ZC2HC1B: variants seen among roughly 807,000 people sequenced by gnomAD.
The protein encoded by ZC2HC1B is zinc finger C2HC-type containing 1B.
In ZC2HC1B, 36 loss-of-function variants were observed where a neutral mutation model predicts 31.0. The observed-to-expected ratio is 1.16, with a 90% CI of 0.89 to 1.54. ZC2HC1B has a LOEUF of 1.54. Among genes scored for constraint, ZC2HC1B ranks in the 40% most tolerant of loss-of-function variants. ZC2HC1B has a pLI of 0.00. For missense variants in ZC2HC1B, 260 were observed against 268.6 expected (o/e 0.97, Z 0.22); for synonymous variants, 73 against 88.0 (o/e 0.83, Z 0.95).
chr6:143,869,333 A>G lies in ZC2HC1B; in HGVS notation c.28+4766A>G, dbSNP rs1396369122. ...GAACTTTACCCCAGCCCTTCAACGT[A>G]TTGTCACCTAGTTGTTGTAATTGTG... On this transcript the variant is annotated intron_variant, in intron 1 of 7. Transcript: ENST00000237275. The surrounding 1 kb of genome is among the most constrained non-coding windows in gnomAD (Gnocchi z 5.2). Among the ~76,000 whole-genome samples, 1 of 152,186 alleles carries G rather than the reference A, an allele frequency of 6.6e-6. No homozygotes were observed. The highest frequency in any genetic ancestry group is 1.5e-5 in the Non-Finnish European group (1 of 68,030).
In ZC2HC1B at chr6:143,908,551, G is replaced by A. The variant is rs1187624003; in HGVS notation, c.598+5399G>A. Among the ~76,000 whole-genome samples the A allele has an allele frequency of 6.6e-6, 1 of 152,142 alleles. No homozygotes were observed. Among genetic ancestry groups the A allele is most frequent in the Admixed American group, 6.5e-5 (1 of 15,284 alleles). The stretch of plus-strand genomic sequence containing the variant: ...CTTTCTGTGACAATTGTGAATGGAG[G>A]TTCACTCATGATTTGGCTCTCAGCT... On this transcript the variant is annotated intron_variant, in intron 6 of 7. Coordinates refer to ENST00000237275, the MANE Select transcript of ZC2HC1B (RefSeq NM_001013623.3). The surrounding 1 kb of genome is among the most constrained non-coding windows in gnomAD (Gnocchi z 4.4).
chr6:143,867,837 A>G (rs893644732), intron 1 of ZC2HC1B, among the ~76,000 whole-genome samples: 11 of 152,178 alleles, frequency 7.2e-5, no homozygotes, highest in African/African-American at 2.7e-4. Flanking sequence ...GTGCCCAGCT[A>G]TCATACTGGG....
At position 143,886,236 on chromosome 6, in the gene ZC2HC1B, G is replaced by A; in HGVS notation, c.210+85G>A. 1 of 1,340,652 alleles carries A rather than the reference G, an allele frequency of 7.5e-7. No homozygotes were observed. The highest frequency in any genetic ancestry group is 9.6e-7 in the Non-Finnish European group (1 of 1,038,826). 83.0% of individuals were successfully genotyped at this position (1,340,652 alleles called of 1,614,324 possible). ...TTCTGGGATTTCTGGTTTCATTTTT[G>A]CTTGATAATACAGTAATGTAATGTA... On this transcript the variant is annotated intron_variant, in intron 3 of 7. Transcript: ENST00000237275. This position sits in a 1 kb window ranked among gnomAD's most constrained non-coding sequence, Gnocchi z 4.2.
intron 1 of ZC2HC1B, among the ~76,000 whole-genome samples, chr6:143,875,297 C>T (rs1777392136): frequency 6.6e-6 from 1 of 152,160 alleles, no homozygotes; most frequent in Non-Finnish European, 1.5e-5. Context: ...TCTGGACCCT[C>T]CCTGATGGGA....
At chr6:143,882,456 A>G (rs1777481026) in intron 1 of ZC2HC1B, among the ~76,000 whole-genome samples, 1 of 150,152 alleles carries the variant, frequency 6.7e-6, no homozygotes, top group South Asian at 2.1e-4. Flanking sequence ...TGTGTTGAAA[A>G]TACAATACCA....
chr6:143,937,505 C>A, intron 6 of ZC2HC1B, 144 bp from the exon 7 acceptor site: 1 of 569,170 alleles, frequency 1.8e-6, no homozygotes, highest in Non-Finnish European at 2.9e-6. Context: ...CCTCATTGCC[C>A]TCCCCACCAC....
chr6:143,912,850 A>ATGCTAGGTTGGGG (rs1378172217), intron 6 of ZC2HC1B, among the ~76,000 whole-genome samples: 48 of 152,054 alleles, frequency 3.2e-4, no homozygotes, highest in Non-Finnish European at 6.0e-4. Flanking sequence ...CTGAGAAGCC[A>ATGCTAGGTTGGGG]AATGGCCAAG....
chr6:143,903,017 T>G lies in ZC2HC1B; in HGVS notation c.490-27T>G. 6.5e-7 allele frequency: 1 copy of G among 1,549,718 alleles called. No homozygotes were observed. Among genetic ancestry groups the G allele is most frequent in the Non-Finnish European group, 8.7e-7 (1 of 1,145,374 alleles). ...GAGGTTACATACAGAAGGTGTTCTC[T>G]TTGTCTCTTTCTTTCTCTCTCTGTA... On this transcript the variant is annotated intron_variant, in intron 5 of 7. Transcript: ENST00000237275. This position sits in a 1 kb window ranked among gnomAD's most constrained non-coding sequence, Gnocchi z 4.3.
In ZC2HC1B at chr6:143,922,663, C is replaced by CT. The variant is rs1275198897; in HGVS notation, c.599-14979dup. ...TTGCTGCAAATGACAGGATATCATT[C>CT]TTTTTTTGTGGCTGAATAGTATTCC... On this transcript the variant is annotated intron_variant, in intron 6 of 7. Transcript: ENST00000237275. The surrounding 1 kb of genome is among the most constrained non-coding windows in gnomAD (Gnocchi z 5.0). Among the ~76,000 whole-genome samples, 1 of 152,074 alleles carries CT rather than the reference C, an allele frequency of 6.6e-6. No individual in the cohort carries two copies.
At chr6:143,882,050 C>T (rs949370512) in intron 1 of ZC2HC1B, among the ~76,000 whole-genome samples, 1 of 151,900 alleles carries the variant, frequency 6.6e-6, no homozygotes, top group African/African-American at 2.4e-5. Flanking sequence ...ATTCAAGTCT[C>T]AGTATTACCA....
At chr6:143,878,482 G>A (rs768815996) in intron 1 of ZC2HC1B, among the ~76,000 whole-genome samples, 5 of 150,408 alleles carry the variant, frequency 3.3e-5, no homozygotes, top group Non-Finnish European at 5.9e-5. Flanking sequence ...TGTCTCAAAG[G>A]CGGAAGGGGA....
At chr6:143,931,968 G>A (rs1004344839) in intron 6 of ZC2HC1B, among the ~76,000 whole-genome samples, 4 of 150,754 alleles carry the variant, frequency 2.7e-5, no homozygotes, top group Non-Finnish European at 4.4e-5. Flanking sequence ...AGGTTCAAGC[G>A]ATTCTCCTGC....
Position 143,895,375 on chromosome 6 carries a change from C to T in ZC2HC1B, c.350-3177C>T, listed in dbSNP as rs1386037560. 5.3e-5 allele frequency among the ~76,000 whole-genome samples: 8 copies of T among 152,102 alleles called. No individual in the cohort carries two copies. Among genetic ancestry groups the T allele is most frequent in the African/African-American group, 1.9e-4 (8 of 41,398 alleles). ...ATGGGGTTTCATCATATTGGTCAGG[C>T]TGATCTTGAACTCCTGACCTCAGGT... On this transcript the variant is annotated intron_variant, in intron 4 of 7. Transcript: ENST00000237275. The surrounding 1 kb of genome is among the most constrained non-coding windows in gnomAD (Gnocchi z 4.8).
chr6:143,925,495 A>G (rs1208252317), intron 6 of ZC2HC1B, among the ~76,000 whole-genome samples: 1 of 146,452 alleles, frequency 6.8e-6, no homozygotes, highest in African/African-American at 2.5e-5. Flanking sequence ...TTATTGGTCT[A>G]TTCAGGTTTT....
rs956870477 is a variant in ZC2HC1B at position 143,895,637 on chromosome 6, T to C, written c.350-2915T>C. On this transcript the variant is annotated intron_variant, in intron 4 of 7. Coordinates refer to ENST00000237275, the MANE Select transcript of ZC2HC1B (RefSeq NM_001013623.3). The surrounding 1 kb of genome is among the most constrained non-coding windows in gnomAD (Gnocchi z 4.8). ...GTGACTTAGCTAAGTCTGTCAATGA[T>C]TTAAATTTCTAGGATACTGTGACAG... is the stretch of plus-strand genomic sequence containing the variant. 2.0e-5 allele frequency among the ~76,000 whole-genome samples: 3 copies of C among 152,228 alleles called. No homozygotes were observed. The highest frequency in any genetic ancestry group is 7.2e-5 in the African/African-American group (3 of 41,452).
intron 6 of ZC2HC1B, among the ~76,000 whole-genome samples, chr6:143,932,336 GC>G (rs2128497922): frequency 6.6e-6 from 1 of 152,264 alleles, no homozygotes; most frequent in South Asian, 2.1e-4. Flanking sequence ...CTTCTTGGAG[GC>G]TTTGATCATT....
chr6:143,914,612 C>A (rs1777896190), intron 6 of ZC2HC1B, among the ~76,000 whole-genome samples: 1 of 152,004 alleles, frequency 6.6e-6, no homozygotes, highest in South Asian at 2.1e-4. Flanking sequence ...CTTCTATTTT[C>A]TTATGTATCT....
chr6:143,866,194 C>T (rs968751987), intron 1 of ZC2HC1B, among the ~76,000 whole-genome samples: 7 of 152,222 alleles, frequency 4.6e-5, no homozygotes, highest in African/African-American at 1.2e-4. Context: ...CTCCTTGACT[C>T]GTGGTGGGAT....
At chr6:143,932,264 A>T (rs1778129426) in intron 6 of ZC2HC1B, among the ~76,000 whole-genome samples, 1 of 152,154 alleles carries the variant, frequency 6.6e-6, no homozygotes, top group South Asian at 2.1e-4. Context: ...TTCCAAGAAG[A>T]TTTCTCTTCT....
Sources: allele counts gnomAD v4.1 joint callset (sites outside exome capture counted in the v4.1 genomes callset), GRCh38; gene constraint gnomAD v4.1.1; non-coding constraint Gnocchi (gnomAD v3.1); transcripts MANE v1.5; gene names NCBI Gene and HGNC (gene_info 2026-07-23, HGNC 2026-07-21).